Variants in HS1BP3 observed in about 807,000 individuals in gnomAD.
HS1BP3 encodes HCLS1-binding protein 3.
In HS1BP3, 32 loss-of-function variants were observed where a neutral mutation model predicts 33.5. The ratio of observed to expected loss-of-function variants is 0.95; its 90% CI spans 0.72 to 1.28. The LOEUF (loss-of-function observed/expected upper bound fraction) is 1.28. HS1BP3 is among the 50% of genes most tolerant of loss of function. The pLI is 0.00. For synonymous variants in HS1BP3, 187 were observed against 209.2 expected, an observed-to-expected ratio of 0.89 and a Z score of 0.92; for missense variants, 486 against 502.3, an observed-to-expected ratio of 0.97 and a Z score of 0.31.
chr2:20,610,262 T>C (rs1694292434), intron 2 of HS1BP3, among the ~76,000 whole-genome samples: 1 of 152,168 alleles, frequency 6.6e-6, no homozygotes. Context: ...TCACTCTTGG[T>C]GCGGTGCATT....
intron 2 of HS1BP3, 136 bp downstream of exon 2, chr2:20,645,204 G>T (rs1695479888): frequency 1.2e-6 from 1 of 810,382 alleles, no homozygotes; most frequent in Non-Finnish European, 1.9e-6. Flanking sequence ...GCATGGTCTG[G>T]TACTCCAGGC....
chr2:20,650,435 C>A (rs1015400673), intron 1 of HS1BP3, among the ~76,000 whole-genome samples: 3 of 152,246 alleles, frequency 2.0e-5, no homozygotes, highest in Non-Finnish European at 2.9e-5. Flanking sequence ...CCCTCCAAGG[C>A]TTTTGCTGTA....
At chr2:20,610,746 G>A (rs1157259054) in intron 2 of HS1BP3, among the ~76,000 whole-genome samples, 6 of 152,220 alleles carry the variant, frequency 3.9e-5, no homozygotes, top group African/African-American at 1.4e-4. Context: ...ATACCAAGGA[G>A]CACAAATGCT....
At chr2:20,558,842 G>A (rs1460100228), downstream of HS1BP3, among the ~76,000 whole-genome samples, 1 of 152,170 alleles carries the variant, frequency 6.6e-6, no homozygotes, top group Non-Finnish European at 1.5e-5. Context: ...CACAGAGGGG[G>A]TAGGGCCTGG....
the HS1BP3 span, among the ~76,000 whole-genome samples, chr2:20,554,567 A>G: frequency 2.0e-5 from 3 of 152,160 alleles, no homozygotes; most frequent in Non-Finnish European, 4.4e-5. Context: ...TACTAAAACT[A>G]TAAAAATTGG....
the HS1BP3 span, among the ~76,000 whole-genome samples, chr2:20,554,607 A>G: frequency 7.2e-5 from 11 of 151,886 alleles, no homozygotes; most frequent in Non-Finnish European, 1.2e-4. Context: ...CCTGTAATCC[A>G]GCTACTTGGG....
intron 2 of HS1BP3, among the ~76,000 whole-genome samples, chr2:20,602,910 G>A (rs559252764): frequency 1.3e-5 from 2 of 152,158 alleles, no homozygotes; most frequent in South Asian, 4.2e-4. Context: ...TATAAAGATG[G>A]GCAAAAGATC....
chr2:20,577,630 A>T (rs1241313979), intron 5 of HS1BP3, among the ~76,000 whole-genome samples: 1 of 152,146 alleles, frequency 6.6e-6, no homozygotes, highest in African/African-American at 2.4e-5. Context: ...GGAGCGTAAG[A>T]GTGCCTGTCT....
rs138753556 is a variant in HS1BP3, at chr2:20,641,114, T to A, written c.265A>T (p.Ser89Cys). 6.2e-6 allele frequency: 10 copies of A among 1,613,462 alleles called. No individual in the cohort carries two copies. Among genetic ancestry groups the A allele is most frequent in the African/African-American group, 1.3e-5 (1 of 75,062 alleles). The change falls in exon 3 of 7, where the codon AGC becomes TGC. Residue 89 changes from serine to cysteine, a missense_variant. Physicochemically the swap from Ser to Cys is moderately radical, Grantham distance 112. Transcript: ENST00000304031. The part of the protein sequence containing the change: ...QKLSSRYAAA[S>C]LPPLPRKVLF... ...ACCTTCCTGGGTAGTGGGGGGAGGC[T>A]GGCTGCTGCATAACGACTGCTCAGT...
In HS1BP3 at chr2:20,611,902, C is replaced by G. The variant is rs980158603; in HGVS notation, c.178+11994G>C. On this transcript the variant is annotated intron_variant, in intron 2 of 3. Coordinates refer to the HS1BP3 transcript ENST00000415264. The surrounding 1 kb of genome is among the most constrained non-coding windows in gnomAD (Gnocchi z 4.9). The stretch of plus-strand genomic sequence containing the variant: ...ACCTACAACCACCCTCCATGGAGAG[C>G]AAGCCATCAGCACCCCTTTCCACGA... Among the ~76,000 whole-genome samples the G allele has an allele frequency of 6.6e-6, 1 of 152,202 alleles. No individual in the cohort carries two copies. The highest frequency in any genetic ancestry group is 1.5e-5 in the Non-Finnish European group (1 of 68,044).
chr2:20,625,211 C>A (rs1041468486), intron 4 of HS1BP3, among the ~76,000 whole-genome samples: 1 of 152,224 alleles, frequency 6.6e-6, no homozygotes, highest in African/African-American at 2.4e-5. Flanking sequence ...GTGGTAAGGC[C>A]CCCGCTACTG....
At position 20,568,284 on chromosome 2, in the gene HS1BP3, C is replaced by T. The variant is rs139461378; in HGVS notation, c.303-7769G>A. On this transcript the variant is annotated intron_variant, in intron 5 of 5. Transcript: ENST00000446825. ...CTTAGAGGAGGGCGGGAAGGAGTCC[C>T]GTGGCTACCTGGGGAAGAACATTCT... Among the ~76,000 whole-genome samples the T allele has an allele frequency of 5.3e-3, 811 of 152,146 alleles. 8 individuals are homozygous for T. The highest frequency in any genetic ancestry group is 0.018 in the African/African-American group (767 of 41,490).
At chr2:20,572,409 C>A (rs568833279) in intron 5 of HS1BP3, among the ~76,000 whole-genome samples, 1 of 152,220 alleles carries the variant, frequency 6.6e-6, no homozygotes, top group East Asian at 1.9e-4. Flanking sequence ...GTCCTGTCCC[C>A]GTACCCTACT....
intron 4 of HS1BP3, among the ~76,000 whole-genome samples, chr2:20,626,190 G>A (rs529949853): frequency 1.3e-5 from 2 of 152,314 alleles, no homozygotes; most frequent in African/African-American, 2.4e-5. Flanking sequence ...GGTGCTGGAG[G>A]GGCAGGTCCC....
downstream of HS1BP3, among the ~76,000 whole-genome samples, chr2:20,589,220 G>A (rs144419196): frequency 4.5e-3 from 679 of 152,280 alleles, 6 homozygotes; most frequent in Non-Finnish European, 7.2e-3. Flanking sequence ...CCCATCCCAG[G>A]TTCAGCCACT....
downstream of HS1BP3, among the ~76,000 whole-genome samples, chr2:20,588,620 C>A (rs1693738979): frequency 1.3e-5 from 2 of 152,210 alleles, no homozygotes; most frequent in Admixed American, 6.5e-5. Flanking sequence ...AACCACCACG[C>A]CCAGCCTTCC....
At chr2:20,617,500 G>A (rs138295616), downstream of HS1BP3, among the ~76,000 whole-genome samples, 402 of 152,226 alleles carry the variant, frequency 2.6e-3, 4 homozygotes, top group Non-Finnish European at 3.5e-3. Flanking sequence ...AGGACAGGGC[G>A]CCACAGCTGG....
At chr2:20,589,001 C>A (rs569149292), downstream of HS1BP3, among the ~76,000 whole-genome samples, 1 of 152,314 alleles carries the variant, frequency 6.6e-6, no homozygotes, top group South Asian at 2.1e-4. Flanking sequence ...GTCGGCAGGG[C>A]TGGGCCCAAA....
chr2:20,616,419 C>T (rs542927677), downstream of HS1BP3, among the ~76,000 whole-genome samples: 113 of 152,330 alleles, frequency 7.4e-4, no homozygotes, highest in Non-Finnish European at 1.2e-3. Flanking sequence ...AGAACCTGAG[C>T]CCTGAAGGCC....
Sources: gnomAD v4.1 joint callset for allele counts (sites outside exome capture counted in the v4.1 genomes callset) on GRCh38, gnomAD v4.1.1 for gene constraint, Gnocchi (gnomAD v3.1) non-coding constraint, MANE v1.5 for transcripts, NCBI Gene and HGNC (gene_info 2026-07-23, HGNC 2026-07-21) for gene names.